MSH3: variants seen among roughly 807,000 people sequenced by gnomAD.
The protein encoded by MSH3 is mutS homolog 3.
MSH3 carries 106 observed loss-of-function variants against 123.3 expected under a neutral mutation model. That is an observed-to-expected ratio of 0.86 (90% CI 0.73 to 1.01). MSH3 has a LOEUF of 1.01. Among genes scored for constraint, MSH3 ranks in the 50% least tolerant of loss-of-function variants. The pLI is 0.00. For missense variants in MSH3, 1,459 were observed against 1,347.6 expected, an observed-to-expected ratio of 1.08 and a Z score of -1.29; for synonymous variants, 515 against 481.4, an observed-to-expected ratio of 1.07 and a Z score of -0.91.
At chr5:80,687,435 G>T (rs1195616263) in intron 8 of MSH3, among the ~76,000 whole-genome samples, 1 of 152,216 alleles carries the variant, frequency 6.6e-6, no homozygotes, top group Non-Finnish European at 1.5e-5. Flanking sequence ...TGAATCAGGT[G>T]AACATCACAA....
rs752066199 is a variant in MSH3 at position 80,679,080 on chromosome 5, G to A, written c.1327G>A (p.Ala443Thr). ...GCAAACAGAGGCGCTCATCCACAGA[G>A]CCACATCTGTTAGGTAAGTTGGCAC... ...SEQTEALIHR[A>T]TSVSVQDDRI... is the part of the protein sequence containing the mutation. The change falls in exon 8 of 24, where the codon GCC becomes ACC. Residue 443 changes from alanine (A) to threonine (T), a missense_variant. Ala to Thr is a moderately conservative substitution (Grantham distance 58). Coordinates refer to ENST00000265081, the MANE Select transcript of MSH3 (RefSeq NM_002439.5). 3 of 1,613,828 alleles carry A rather than the reference G, an allele frequency of 1.9e-6. No individual in the cohort carries two copies. The highest frequency in any genetic ancestry group is 2.5e-6 in the Non-Finnish European group (3 of 1,179,990).
rs115726528 is a variant in MSH3 at position 80,799,211 on chromosome 5, T to C, written c.2655+6367T>C. 6.7e-3 allele frequency among the ~76,000 whole-genome samples: 1,027 copies of C among 152,270 alleles called. 11 individuals carry two copies. The highest frequency in any genetic ancestry group is 0.024 in the African/African-American group (986 of 41,534). ...GTTGGAGGGATTTAAGTCCTGACTT[T>C]GGCATCTCAACATGCAGCTGGTGCC... On this transcript the variant is annotated intron_variant, in intron 19 of 23. Transcript: ENST00000265081.
chr5:80,713,149 C>A (rs572877849), intron 8 of MSH3, among the ~76,000 whole-genome samples: 1 of 152,226 alleles, frequency 6.6e-6, no homozygotes, highest in South Asian at 2.1e-4. Context: ...GGTAAGCTGA[C>A]ATTTGTTTGT....
intron 8 of MSH3, among the ~76,000 whole-genome samples, chr5:80,718,474 T>C (rs561981466): frequency 6.6e-6 from 1 of 151,364 alleles, no homozygotes; most frequent in South Asian, 2.1e-4. Flanking sequence ...CCATCTCTTT[T>C]TATTCCTATC....
chr5:80,801,787 T>A (rs1744794810), intron 19 of MSH3, among the ~76,000 whole-genome samples: 2 of 152,172 alleles, frequency 1.3e-5, no homozygotes, highest in Admixed American at 1.3e-4. Context: ...GGATGAGAGA[T>A]CTTATTTAAT....
intron 12 of MSH3, among the ~76,000 whole-genome samples, chr5:80,751,589 G>A (rs746744542): frequency 1.3e-5 from 2 of 152,174 alleles, no homozygotes; most frequent in Non-Finnish European, 2.9e-5. Flanking sequence ...TGTAGATGTA[G>A]CTCCTTGATC....
intron 20 of MSH3, among the ~76,000 whole-genome samples, chr5:80,818,473 C>T (rs1745146408): frequency 6.8e-6 from 1 of 146,798 alleles, no homozygotes; most frequent in African/African-American, 2.5e-5. Flanking sequence ...AGTTAAAGAC[C>T]AGTCACCCAG....
intron 8 of MSH3, among the ~76,000 whole-genome samples, chr5:80,683,646 A>G (rs1750019211): frequency 6.6e-6 from 1 of 151,986 alleles, no homozygotes; most frequent in Admixed American, 6.6e-5. Flanking sequence ...CTTCCATTCC[A>G]TGGGTTGTCT....
At position 80,728,874 on chromosome 5, in the gene MSH3, G is replaced by A. The variant is rs754870896; in HGVS notation, c.1477G>A (p.Val493Ile). The A allele has an allele frequency of 1.2e-6, 2 of 1,604,554 alleles. No individual in the cohort carries two copies. Among genetic ancestry groups the A allele is most frequent in the South Asian group, 2.2e-5 (2 of 90,710 alleles). ...AGGTTCTCAAATTATTTCTGGCATT[G>A]TTAACTTAGAGAAGCCTGTGATTTG... The part of the protein sequence containing the change: ...IKGSQIISGI[V>I]NLEKPVICSL... Residue 493 changes from valine (V) to isoleucine (I), a missense_variant, in exon 10 of 24, where the codon GTT (valine) becomes ATT (isoleucine). Val to Ile is a conservative substitution (Grantham distance 29). Transcript: ENST00000265081.
chr5:80,847,856 CTATT>C (rs1462385413), intron 20 of MSH3, among the ~76,000 whole-genome samples: 1 of 152,198 alleles, frequency 6.6e-6, no homozygotes, highest in African/African-American at 2.4e-5. Flanking sequence ...TGTTTTAAAT[CTATT>C]TGTTTGTACT....
At chr5:80,675,946 G>A (rs1360839577) in intron 7 of MSH3, among the ~76,000 whole-genome samples, 2 of 152,148 alleles carry the variant, frequency 1.3e-5, no homozygotes, top group African/African-American at 4.8e-5. Context: ...ATGATAATTG[G>A]CTGATATAAA....
chr5:80,684,453 T>G (rs1750040360), intron 8 of MSH3, among the ~76,000 whole-genome samples: 1 of 152,150 alleles, frequency 6.6e-6, no homozygotes, highest in Non-Finnish European at 1.5e-5. Flanking sequence ...TGGGATTACT[T>G]TTTTGATTTC....
rs1181724416 is a variant in MSH3 at position 80,691,841 on chromosome 5, AT to A, written c.1340+12749del. The stretch of plus-strand genomic sequence containing the variant: ...TGTATGTTTATATAGATAAATAAAC[AT>A]GTATATATTTATATAGCTAAACATG... On this transcript the variant is annotated intron_variant, in intron 8 of 23. Transcript: ENST00000265081. Among the ~76,000 whole-genome samples, 15 of 147,442 alleles carry A rather than the reference AT, an allele frequency of 1.0e-4. 1 individual carries two copies. Among genetic ancestry groups the A allele is most frequent in the Non-Finnish European group, 4.5e-5 (3 of 66,944 alleles).
chr5:80,825,362 A>G (rs1314207041), intron 20 of MSH3, among the ~76,000 whole-genome samples: 1 of 152,172 alleles, frequency 6.6e-6, no homozygotes, highest in Non-Finnish European at 1.5e-5. Flanking sequence ...GTATCACACT[A>G]TATTCTTCTG....
intron 20 of MSH3, among the ~76,000 whole-genome samples, chr5:80,838,681 AT>A (rs555523803): frequency 1.0e-4 from 15 of 150,186 alleles, no homozygotes; most frequent in Middle Eastern, 3.4e-3. Context: ...TGAGTAGAGG[AT>A]TTTTTTTTTA....
At chr5:80,808,870 T>TAC (rs1744951622) in intron 19 of MSH3, among the ~76,000 whole-genome samples, 1 of 127,346 alleles carries the variant, frequency 7.9e-6, no homozygotes, top group Non-Finnish European at 1.6e-5. Flanking sequence ...TATATATATA[T>TAC]ATATATATAT....
chr5:80,777,026 G>A (rs1251741432), intron 16 of MSH3, among the ~76,000 whole-genome samples: 1 of 150,748 alleles, frequency 6.6e-6, no homozygotes, highest in Non-Finnish European at 1.5e-5. Flanking sequence ...CCGCCTCCCG[G>A]GTTCAAATGA....
intron 3 of MSH3, 77 bp from the exon 4 acceptor site, chr5:80,670,020 G>C: frequency 1.4e-6 from 2 of 1,394,182 alleles, no homozygotes; most frequent in South Asian, 1.2e-5. Context: ...CTTTTTGCCA[G>C]ATTTGCATTT....
intron 8 of MSH3, among the ~76,000 whole-genome samples, chr5:80,697,335 C>A (rs1214923682): frequency 6.6e-6 from 1 of 152,196 alleles, no homozygotes; most frequent in South Asian, 2.1e-4. Context: ...CAAGTTACAC[C>A]TGGTTTACTT....
Sources: allele counts gnomAD v4.1 joint callset (sites outside exome capture counted in the v4.1 genomes callset), GRCh38; gene constraint gnomAD v4.1.1; transcripts MANE v1.5; gene names NCBI Gene and HGNC (gene_info 2026-07-23, HGNC 2026-07-21).